SPATA25: variants seen among roughly 807,000 people sequenced by gnomAD.
SPATA25 encodes spermatogenesis-associated protein 25.
Under a neutral mutation model 16.0 loss-of-function variants are expected in SPATA25, and 16 were observed. That is an observed-to-expected ratio of 1.00 (90% CI 0.68 to 1.52). The LOEUF is 1.52. SPATA25 is among the 40% of genes most tolerant of loss of function. The probability of loss-of-function intolerance (pLI) is 0.00; values close to 1 mark genes in which losing one functional copy is unlikely to be tolerated. For missense variants in SPATA25, 285 were observed against 289.2 expected, an observed-to-expected ratio of 0.99 and a Z score of 0.11; for synonymous variants, 115 against 118.5, an observed-to-expected ratio of 0.97 and a Z score of 0.19.
upstream of SPATA25, chr20:45,890,789 A>C (rs528258187): frequency 6.2e-7 from 1 of 1,603,274 alleles, no homozygotes; most frequent in Admixed American, 1.7e-5. Flanking sequence ...CTCGATCTCG[A>C]CCAGGAAGAC....
upstream of SPATA25, chr20:45,890,948 C>T (rs1323353002): frequency 1.3e-6 from 2 of 1,515,148 alleles, no homozygotes; most frequent in South Asian, 2.5e-5. Context: ...GCGCTCGAGT[C>T]CCCAGAGTGC....
Position 45,886,851 on chromosome 20 carries a change from C to T in SPATA25, c.350G>A (p.Gly117Asp). 1 of 1,613,986 alleles carries T rather than the reference C, an allele frequency of 6.2e-7. No individual in the cohort carries two copies. Reference sequence around the variant, plus strand: ...CAGGGGCCTAGGCCTGCTGGGGCCACCCAGGTCAGGGGCTCTGCTTCTGGA... The same window carrying T: ...CAGGGGCCTAGGCCTGCTGGGGCCATCCAGGTCAGGGGCTCTGCTTCTGGA... The part of the protein sequence containing the change: ...GYSRSRAPDL[G>D]GPSRPRPLML... Residue 117 changes from glycine to aspartate, a missense_variant, in exon 2 of 2, where the codon GGT becomes GAT. Gly to Asp is a moderately conservative substitution (Grantham distance 94). Transcript: ENST00000372519.
upstream of SPATA25, chr20:45,890,802 G>C (rs759769992): frequency 2.5e-6 from 4 of 1,595,556 alleles, no homozygotes; most frequent in East Asian, 9.0e-5. Context: ...AGGAAGACCT[G>C]GCCCGGGGCC....
upstream of SPATA25, among the ~76,000 whole-genome samples, chr20:45,889,204 T>C (rs1248654387): frequency 6.6e-6 from 1 of 152,130 alleles, no homozygotes; most frequent in East Asian, 1.9e-4. Context: ...TGCATTGAGT[T>C]CATGAAATGT....
Position 45,886,742 on chromosome 20 carries a change from G to A in SPATA25, c.459C>T (p.Cys153=). The change falls in exon 2 of 2, where the codon TGC becomes TGT. Residue 153 remains cysteine (C), a synonymous_variant. Coordinates refer to ENST00000372519, the MANE Select transcript of SPATA25 (RefSeq NM_080608.4). The part of the protein sequence containing the change: ...GKEASSQPDI[C]ILTLAMMIAG... ...CGATCATCATGGCGAGGGTGAGGAT[G>A]CAGATATCAGGCTGGGAGCTGGCCT... The A allele has an allele frequency of 6.2e-7, 1 of 1,614,122 alleles. No homozygotes were observed. The highest frequency in any genetic ancestry group is 8.5e-7 in the Non-Finnish European group (1 of 1,180,046).
chr20:45,890,794 G>A (rs771112403), upstream of SPATA25: 1 of 1,602,840 alleles, frequency 6.2e-7, no homozygotes, highest in South Asian at 1.1e-5. Context: ...TCTCGACCAG[G>A]AAGACCTGGC....
upstream of SPATA25, chr20:45,887,696 G>A (rs183316625): frequency 1.4e-5 from 15 of 1,045,838 alleles, no homozygotes; most frequent in Admixed American, 3.0e-4. Flanking sequence ...TTCACACTTG[G>A]AATCCACTTT....
chr20:45,889,503 C>A (rs1986638247), upstream of SPATA25, among the ~76,000 whole-genome samples: 1 of 152,160 alleles, frequency 6.6e-6, no homozygotes, highest in Non-Finnish European at 1.5e-5. Context: ...CAGGCATGCA[C>A]CACCATGCCC....
upstream of SPATA25, among the ~76,000 whole-genome samples, chr20:45,888,232 G>A (rs1042050065): frequency 6.6e-6 from 1 of 152,086 alleles, no homozygotes; most frequent in Non-Finnish European, 1.5e-5. Context: ...TGGCCAGGCT[G>A]GTCTCAAACT....
At chr20:45,890,767 C>T (rs1986756376), upstream of SPATA25, 3 of 1,611,104 alleles carry the variant, frequency 1.9e-6, no homozygotes, top group Non-Finnish European at 1.7e-6. Flanking sequence ...CGCACCAGCC[C>T]AGCTCTTTCT....
At chr20:45,887,430 G>A (rs1185917200) in intron 1 of SPATA25, 106 bp downstream of exon 1, 16 of 1,105,948 alleles carry the variant, frequency 1.4e-5, no homozygotes, top group Non-Finnish European at 2.1e-5. Context: ...TGATTCTAGG[G>A]CCAGCCCCCA....
chr20:45,887,497 C>T (rs1428353246), intron 1 of SPATA25, 39 bp downstream of exon 1: 1 of 1,602,596 alleles, frequency 6.2e-7, no homozygotes, highest in Non-Finnish European at 8.5e-7. Flanking sequence ...TCAGGGGAAG[C>T]TGCCGCACTC....
chr20:45,890,329 T>C (rs1266505002), upstream of SPATA25: 7 of 1,613,234 alleles, frequency 4.3e-6, no homozygotes, highest in Non-Finnish European at 5.9e-6. Context: ...GCTGCGCAGC[T>C]GGCAGTCCCC....
chr20:45,887,810 G>A (rs1411842445), upstream of SPATA25, among the ~76,000 whole-genome samples: 1 of 152,166 alleles, frequency 6.6e-6, no homozygotes, highest in East Asian at 1.9e-4. Context: ...CCCTAACCTT[G>A]AACGAGTCAC....
chr20:45,890,579 G>A (rs1405948116), upstream of SPATA25: 1 of 1,612,334 alleles, frequency 6.2e-7, no homozygotes, highest in Non-Finnish European at 8.5e-7. Flanking sequence ...GAGGGTTGGA[G>A]GTCGGCTGGG....
chr20:45,887,070 G>T lies in SPATA25; in HGVS notation c.131C>A (p.Thr44Lys), dbSNP rs754182010. 7 of 1,607,730 alleles carry T rather than the reference G, an allele frequency of 4.4e-6. No individual in the cohort carries two copies. Among genetic ancestry groups the T allele is most frequent in the Non-Finnish European group, 5.9e-6 (7 of 1,179,974 alleles). The stretch of plus-strand genomic sequence containing the variant: ...CTCAGCTTTCTGGCTCAGTGGGCCT[G>T]TTCCACCAGAGGCCACCACCACTGG... ...VEPVVVASGG[T>K]GPLSQKAEQV... The change falls in exon 2 of 2, where the codon ACA becomes AAA. Residue 44 changes from threonine (T) to lysine (K), a missense_variant. Physicochemically the swap from Thr to Lys is moderately conservative, Grantham distance 78. Transcript: ENST00000372519.
upstream of SPATA25, chr20:45,888,962 T>C: frequency 6.8e-7 from 1 of 1,479,156 alleles, no homozygotes; most frequent in South Asian, 1.2e-5. Flanking sequence ...GTCCCCACTT[T>C]GTCATTAAAT....
At chr20:45,890,270 A>G (rs1447321272), upstream of SPATA25, 1 of 1,613,792 alleles carries the variant, frequency 6.2e-7, no homozygotes, top group African/African-American at 1.3e-5. Context: ...GAGCTGGACA[A>G]GGCGCACGCT....
chr20:45,888,600 C>T (rs1171719760), upstream of SPATA25: 1 of 679,068 alleles, frequency 1.5e-6, no homozygotes, highest in Non-Finnish European at 2.5e-6. Flanking sequence ...AAGTGACTCT[C>T]ATAGGCTGTA....
Sources: allele counts gnomAD v4.1 joint callset (sites outside exome capture counted in the v4.1 genomes callset), GRCh38; gene constraint gnomAD v4.1.1; transcripts MANE v1.5; gene names NCBI Gene and HGNC (gene_info 2026-07-23, HGNC 2026-07-21).